CABLES1: variants seen among roughly 807,000 people sequenced by gnomAD.
The protein encoded by CABLES1 is Cdk5 and Abl enzyme substrate 1, also known as CDK5 and ABL1 enzyme substrate 1.
In CABLES1, 36 loss-of-function variants were observed where a neutral mutation model predicts 57.8. The ratio of observed to expected loss-of-function variants is 0.62; its 90% CI spans 0.48 to 0.82. The LOEUF is 0.82. CABLES1 is among the 40% of genes least tolerant of loss of function. The pLI is 0.00. For synonymous variants in CABLES1, 374 were observed against 363.0 expected, an observed-to-expected ratio of 1.03 and a Z score of -0.35; for missense variants, 767 against 836.6, an observed-to-expected ratio of 0.92 and a Z score of 1.03.
At chr18:23,227,775 G>T (rs751518603) in intron 4 of CABLES1, among the ~76,000 whole-genome samples, 1 of 152,154 alleles carries the variant, frequency 6.6e-6, no homozygotes, top group Non-Finnish European at 1.5e-5. Flanking sequence ...ATTTCCTTTC[G>T]TAATCCAGCT....
intron 2 of CABLES1, 50 bp from the exon 3 acceptor site, chr18:23,194,398 G>T (rs748098211): frequency 8.4e-7 from 1 of 1,185,476 alleles, no homozygotes; most frequent in Non-Finnish European, 1.3e-6. Flanking sequence ...AGACGTCTCA[G>T]CTGTCCAGCA....
At chr18:23,202,707 C>T (rs1476277763) in intron 3 of CABLES1, among the ~76,000 whole-genome samples, 1 of 151,662 alleles carries the variant, frequency 6.6e-6, no homozygotes, top group African/African-American at 2.4e-5. Context: ...GACACTCGGC[C>T]AGGGCGTGGT....
chr18:23,200,001 C>A (rs2047311917), intron 3 of CABLES1, among the ~76,000 whole-genome samples: 1 of 152,132 alleles, frequency 6.6e-6, no homozygotes, highest in South Asian at 2.1e-4. Context: ...CTTTTAACTT[C>A]CTCACCAAGT....
chr18:23,227,527 TC>T (rs1325471031), intron 4 of CABLES1, among the ~76,000 whole-genome samples: 1 of 152,200 alleles, frequency 6.6e-6, no homozygotes. Flanking sequence ...GGAAGGGACT[TC>T]TAGACTAAAA....
At chr18:23,193,026 G>C (rs1285719803) in intron 2 of CABLES1, among the ~76,000 whole-genome samples, 1 of 152,072 alleles carries the variant, frequency 6.6e-6, no homozygotes, top group South Asian at 2.1e-4. Context: ...GGGCGACAGA[G>C]CAAGGCCTTG....
intron 4 of CABLES1, among the ~76,000 whole-genome samples, chr18:23,218,304 CCGCA>C (rs2047457951): frequency 1.4e-5 from 2 of 145,464 alleles, no homozygotes; most frequent in South Asian, 2.3e-4. Context: ...GCCCTGCCTC[CCGCA>C]TCCTCACTTG....
intron 3 of CABLES1, chr18:23,197,682 G>T: frequency 6.6e-6 from 1 of 152,214 alleles, no homozygotes; most frequent in South Asian, 2.1e-4. Context: ...TCGTCTCCTA[G>T]CAGGTAGGGA....
chr18:23,188,759 G>T, intron 1 of CABLES1, 79 bp from the exon 2 acceptor site: 1 of 990,670 alleles, frequency 1.0e-6, no homozygotes, highest in Non-Finnish European at 1.6e-6. Flanking sequence ...TTGTTTTAGG[G>T]TAGTTTTAGA....
At chr18:23,199,197 TAAAAAG>T (rs1321143972) in intron 3 of CABLES1, among the ~76,000 whole-genome samples, 3 of 152,194 alleles carry the variant, frequency 2.0e-5, no homozygotes, top group Non-Finnish European at 2.9e-5. Flanking sequence ...ACTCGATTGT[TAAAAAG>T]AAAATAAAGT....
intron 3 of CABLES1, among the ~76,000 whole-genome samples, chr18:23,208,964 G>A (rs2047384274): frequency 1.3e-5 from 2 of 152,144 alleles, no homozygotes; most frequent in Admixed American, 6.5e-5. Context: ...CCCTTGTAAG[G>A]ACACCAGCCA....
intron 1 of CABLES1, among the ~76,000 whole-genome samples, chr18:23,153,453 G>T (rs1379314475): frequency 2.0e-5 from 3 of 152,060 alleles, no homozygotes; most frequent in Non-Finnish European, 4.4e-5. Context: ...ATAGGCTGGG[G>T]CTGGGTGCAG....
chr18:23,251,025 A>G (rs1403374461), intron 7 of CABLES1, among the ~76,000 whole-genome samples: 1 of 152,266 alleles, frequency 6.6e-6, no homozygotes, highest in Non-Finnish European at 1.5e-5. Context: ...GGAGGTGTCC[A>G]GAGAAAGCCA....
chr18:23,226,778 A>G (rs1452208651), intron 4 of CABLES1, among the ~76,000 whole-genome samples: 1 of 152,142 alleles, frequency 6.6e-6, no homozygotes, highest in East Asian at 1.9e-4. Context: ...TGAGATCTGG[A>G]TGTGGGTTGG....
chr18:23,151,233 T>C (rs1188751984), intron 1 of CABLES1, among the ~76,000 whole-genome samples: 1 of 152,006 alleles, frequency 6.6e-6, no homozygotes, highest in African/African-American at 2.4e-5. Flanking sequence ...TTAGGCAGGA[T>C]GGTCTCGATC....
chr18:23,144,233 T>C (rs530531789), intron 1 of CABLES1, among the ~76,000 whole-genome samples: 1 of 152,358 alleles, frequency 6.6e-6, no homozygotes, highest in East Asian at 1.9e-4. Flanking sequence ...TGGTCAGAGC[T>C]TGATGGATTG....
chr18:23,198,874 G>A (rs944387092), intron 3 of CABLES1, among the ~76,000 whole-genome samples: 3 of 152,236 alleles, frequency 2.0e-5, no homozygotes, highest in Non-Finnish European at 4.4e-5. Flanking sequence ...TAATACATTT[G>A]TGTTGTTTTA....
chr18:23,149,057 A>T (rs1167864978), intron 1 of CABLES1, among the ~76,000 whole-genome samples: 1 of 151,326 alleles, frequency 6.6e-6, no homozygotes, highest in Non-Finnish European at 1.5e-5. Context: ...GCCCAGATAA[A>T]TTTTTTTTGT....
chr18:23,213,911 T>G, intron 3 of CABLES1, 66 bp from the exon 4 acceptor site: 2 of 1,077,978 alleles, frequency 1.9e-6, no homozygotes, highest in Non-Finnish European at 2.8e-6. Context: ...TGCTATAGAT[T>G]TTGTTTTTTA....
intron 4 of CABLES1, among the ~76,000 whole-genome samples, chr18:23,230,888 G>A (rs761730859): frequency 3.3e-5 from 5 of 152,112 alleles, no homozygotes; most frequent in Admixed American, 6.6e-5. Flanking sequence ...TGTCACACCC[G>A]CCCCGTGACC....
Sources: gnomAD v4.1 joint callset for allele counts (sites outside exome capture counted in the v4.1 genomes callset) on GRCh38, gnomAD v4.1.1 for gene constraint, MANE v1.5 for transcripts, NCBI Gene and HGNC (gene_info 2026-07-23, HGNC 2026-07-21) for gene names.